TMEM114: variants seen among roughly 807,000 people sequenced by gnomAD.
The protein encoded by TMEM114 is transmembrane protein 114.
A neutral mutation model predicts 6.2 loss-of-function variants in TMEM114; 6 were observed. The ratio of observed to expected loss-of-function variants is 0.97; its 90% CI spans 0.53 to 1.91. The LOEUF is 1.91. Ranked by LOEUF, TMEM114 falls within the 40% of genes most tolerant of loss-of-function variation. TMEM114 has a pLI of 0.01. For missense variants in TMEM114, 218 were observed against 158.3 expected, an observed-to-expected ratio of 1.38 and a Z score of -2.02; for synonymous variants, 104 against 73.0, an observed-to-expected ratio of 1.42 and a Z score of -2.16.
intron 2 of TMEM114, among the ~76,000 whole-genome samples, chr16:8,587,341 A>G (rs927816073): frequency 5.3e-5 from 8 of 152,242 alleles, no homozygotes; most frequent in Admixed American, 2.0e-4. Context: ...TCTATGCTAA[A>G]TATTGGGAAT....
Position 8,589,777 on chromosome 16 carries a change from A to T in TMEM114, c.62T>A (p.Val21Glu), listed in dbSNP as rs998854521. 1.3e-5 allele frequency: 5 copies of T among 398,448 alleles called. No individual in the cohort carries two copies. The highest frequency in any genetic ancestry group is 2.2e-5 in the Non-Finnish European group (5 of 226,088). The allele number at this position is 398,448 out of a possible 1,614,324, so 24.7% of individuals were successfully genotyped here. The change falls in exon 1 of 4, where the codon GTG becomes GAG. Residue 21 changes from valine (V) to glutamate (E), a missense_variant. Coordinates refer to ENST00000620492, the MANE Select transcript of TMEM114 (RefSeq NM_001146336.2). ...AAALTGALSF[V>E]LLAAAIGTDF... ...CGTGCCGATGGCGGCCGCCAGGAGC[A>T]CAAAGCTGAGCGCCCCGGTCAGCGC... is the stretch of plus-strand genomic sequence containing the variant.
At chr16:8,537,101 G>T (rs950749018), downstream of TMEM114, among the ~76,000 whole-genome samples, 1 of 152,126 alleles carries the variant, frequency 6.6e-6, no homozygotes, top group Non-Finnish European at 1.5e-5. Flanking sequence ...AGCTTCTTGG[G>T]AGGCTGAGGC....
At chr16:8,556,859 A>T (rs543928396) in intron 2 of TMEM114, among the ~76,000 whole-genome samples, 65 of 152,254 alleles carry the variant, frequency 4.3e-4, no homozygotes, top group South Asian at 2.5e-3. Flanking sequence ...ATTTTATCAC[A>T]ATTTTTTAAC....
intron 3 of TMEM114, among the ~76,000 whole-genome samples, chr16:8,570,460 T>G (rs1901698132): frequency 6.6e-6 from 1 of 152,082 alleles, no homozygotes; most frequent in Non-Finnish European, 1.5e-5. Context: ...GCCTCCTGAG[T>G]AGCTGGGAAT....
At chr16:8,541,446 A>C (rs946929096) in intron 2 of TMEM114, among the ~76,000 whole-genome samples, 23 of 152,212 alleles carry the variant, frequency 1.5e-4, no homozygotes, top group Admixed American at 1.3e-3. Context: ...CTTTGTAAAC[A>C]GTGATATCTA....
At chr16:8,544,631 C>G (rs1043829280) in intron 2 of TMEM114, among the ~76,000 whole-genome samples, 8 of 152,130 alleles carry the variant, frequency 5.3e-5, no homozygotes, top group Non-Finnish European at 7.4e-5. Flanking sequence ...TAGACTTTAC[C>G]CTACAGGCCA....
intron 2 of TMEM114, among the ~76,000 whole-genome samples, chr16:8,556,165 T>C (rs1263445489): frequency 3.9e-5 from 6 of 152,204 alleles, no homozygotes; most frequent in Non-Finnish European, 8.8e-5. Context: ...ATGCCAAGTC[T>C]GAATTCTTCT....
chr16:8,581,983 C>A lies in TMEM114; in HGVS notation c.301+7230G>T, dbSNP rs1296542909. On this transcript the variant is annotated intron_variant, in intron 2 of 3. Coordinates refer to ENST00000620492, the MANE Select transcript of TMEM114 (RefSeq NM_001146336.2). ...CAGCCTCTTCAAGCATTTATGTCCC[C>A]ATCCTTGCTCTGTCCCTCACCTCCT... 2.0e-5 allele frequency among the ~76,000 whole-genome samples: 3 copies of A among 152,314 alleles called. No homozygotes were observed. The East Asian group carries it at 5.8e-4, about 29-fold the overall frequency.
chr16:8,582,010 C>T (rs1457209327), intron 2 of TMEM114, among the ~76,000 whole-genome samples: 1 of 152,210 alleles, frequency 6.6e-6, no homozygotes, highest in Non-Finnish European at 1.5e-5. Flanking sequence ...TCACCTCCTC[C>T]ACTCTTGCAA....
At chr16:8,583,780 G>T (rs1902229454) in intron 2 of TMEM114, among the ~76,000 whole-genome samples, 1 of 151,930 alleles carries the variant, frequency 6.6e-6, no homozygotes, top group African/African-American at 2.4e-5. Context: ...CTAGCAAGAA[G>T]GCCAGGGTTT....
chr16:8,554,259 G>GAA (rs34371721), intron 2 of TMEM114, among the ~76,000 whole-genome samples: 74 of 151,374 alleles, frequency 4.9e-4, no homozygotes, highest in South Asian at 4.6e-3. Context: ...TGATTTCAGG[G>GAA]AAAAAAAGGG....
chr16:8,541,603 A>C (rs979602916), intron 2 of TMEM114, among the ~76,000 whole-genome samples: 3 of 152,232 alleles, frequency 2.0e-5, no homozygotes, highest in Admixed American at 6.5e-5. Context: ...AATATATTTG[A>C]CATTTTGAAA....
At chr16:8,564,506 T>TG (rs769540071), downstream of TMEM114, among the ~76,000 whole-genome samples, 59 of 124,524 alleles carry the variant, frequency 4.7e-4, 1 homozygote, top group Middle Eastern at 5.3e-3. Flanking sequence ...AATGAGTGAG[T>TG]AAATGAGTGA....
intron 2 of TMEM114, among the ~76,000 whole-genome samples, chr16:8,551,010 A>G (rs1900827179): frequency 6.6e-6 from 1 of 152,186 alleles, no homozygotes; most frequent in Non-Finnish European, 1.5e-5. Flanking sequence ...ACCCTAAACG[A>G]GTTCAAAGTC....
At chr16:8,557,676 G>C (rs1406661665) in intron 2 of TMEM114, among the ~76,000 whole-genome samples, 1 of 152,166 alleles carries the variant, frequency 6.6e-6, no homozygotes, top group Non-Finnish European at 1.5e-5. Context: ...AACTTACCCA[G>C]GGCATGAACT....
At chr16:8,547,418 A>T (rs536998242) in intron 2 of TMEM114, among the ~76,000 whole-genome samples, 11 of 139,080 alleles carry the variant, frequency 7.9e-5, no homozygotes, top group Non-Finnish European at 1.4e-4. Flanking sequence ...TTTGAGACGG[A>T]GTCTCGCTCT....
At chr16:8,587,266 A>G (rs1312562312) in intron 2 of TMEM114, among the ~76,000 whole-genome samples, 2 of 152,244 alleles carry the variant, frequency 1.3e-5, no homozygotes, top group African/African-American at 4.8e-5. Flanking sequence ...ACAATATAAT[A>G]TAATTTGCAT....
intron 2 of TMEM114, among the ~76,000 whole-genome samples, chr16:8,544,922 C>G (rs1157006234): frequency 6.8e-6 from 1 of 148,132 alleles, no homozygotes; most frequent in African/African-American, 2.5e-5. Flanking sequence ...CAACATCTTT[C>G]TCTCTCTCTC....
intron 2 of TMEM114, among the ~76,000 whole-genome samples, chr16:8,557,457 C>A (rs947464948): frequency 1.3e-5 from 2 of 152,210 alleles, no homozygotes; most frequent in Admixed American, 6.5e-5. Flanking sequence ...GCTGTTCCAG[C>A]TCCAGCTACT....
Sources: gnomAD v4.1 joint callset for allele counts (sites outside exome capture counted in the v4.1 genomes callset) on GRCh38, gnomAD v4.1.1 for gene constraint, MANE v1.5 for transcripts, NCBI Gene and HGNC (gene_info 2026-07-23, HGNC 2026-07-21) for gene names.